The following TACC2 variants were observed in gnomAD, a reference collection of about 807,000 sequenced individuals.
The protein encoded by TACC2 is transforming acidic coiled-coil-containing protein 2.
TACC2 carries 137 observed loss-of-function variants against 227.3 expected under a neutral mutation model. The ratio of observed to expected loss-of-function variants is 0.60; its 90% CI spans 0.52 to 0.69. TACC2 has a LOEUF of 0.69. Ranked by LOEUF, TACC2 falls within the 30% of genes least tolerant of loss-of-function variation. The pLI, the probability that TACC2 is intolerant of heterozygous loss-of-function variation, is 0.00. For missense variants in TACC2, 3,470 were observed against 3,694.4 expected (o/e 0.94, Z 1.57); for synonymous variants, 1,523 against 1,487.5 (o/e 1.02, Z -0.55).
At chr10:122,052,280 G>C (rs925903429) in intron 3 of TACC2, 3 of 152,160 alleles carry the variant, frequency 2.0e-5, no homozygotes, top group Non-Finnish European at 4.4e-5. Flanking sequence ...CCTGGGAATT[G>C]CTCGAGGCCT....
intron 19 of TACC2, 52 bp downstream of exon 19, chr10:122,242,053 A>G (rs768863260): frequency 1.9e-6 from 3 of 1,542,758 alleles, no homozygotes; most frequent in East Asian, 2.2e-5. Flanking sequence ...TTTCTGAACT[A>G]TGAGGAGGCC....
chr10:122,233,204 G>A (rs2095792722), intron 16 of TACC2, among the ~76,000 whole-genome samples: 1 of 152,190 alleles, frequency 6.6e-6, no homozygotes, highest in Admixed American at 6.5e-5. Context: ...TGGTCAAACG[G>A]AATTTGGTTG....
At chr10:122,040,249 A>T (rs1451046229) in intron 2 of TACC2, among the ~76,000 whole-genome samples, 1 of 152,132 alleles carries the variant, frequency 6.6e-6, no homozygotes, top group Admixed American at 6.5e-5. Flanking sequence ...AGACTGTCTA[A>T]CACCCAGCCA....
chr10:122,073,028 G>A (rs561534621), intron 3 of TACC2, among the ~76,000 whole-genome samples: 56 of 144,118 alleles, frequency 3.9e-4, no homozygotes, highest in Non-Finnish European at 5.1e-4. Context: ...CAGGAGAATC[G>A]CTTGAACCCA....
chr10:122,168,302 GA>G (rs1332563714), intron 7 of TACC2, among the ~76,000 whole-genome samples: 21 of 152,292 alleles, frequency 1.4e-4, no homozygotes, highest in African/African-American at 5.1e-4. Flanking sequence ...GCCAGTTTCT[GA>G]GTTCCTGGAC....
chr10:122,008,471 G>C (rs1955524549), intron 1 of TACC2, among the ~76,000 whole-genome samples: 1 of 151,900 alleles, frequency 6.6e-6, no homozygotes, highest in African/African-American at 2.4e-5. Flanking sequence ...TGTTGGTCAG[G>C]CTGGTCTCGA....
At chr10:122,155,086 G>T (rs1195784054) in intron 7 of TACC2, among the ~76,000 whole-genome samples, 1 of 152,218 alleles carries the variant, frequency 6.6e-6, no homozygotes, top group African/African-American at 2.4e-5. Flanking sequence ...TGCTGTCTCT[G>T]TTCAAAATGA....
intron 5 of TACC2, among the ~76,000 whole-genome samples, chr10:122,091,278 A>C (rs1315836272): frequency 6.6e-6 from 1 of 152,176 alleles, no homozygotes; most frequent in Non-Finnish European, 1.5e-5. Context: ...ATACATCACT[A>C]GTCATTTTGA....
At chr10:121,992,445 C>T (rs780371345) in intron 1 of TACC2, among the ~76,000 whole-genome samples, 5 of 152,214 alleles carry the variant, frequency 3.3e-5, no homozygotes, top group African/African-American at 4.8e-5. Flanking sequence ...TGCAGAATTA[C>T]ACAAGAACTT....
chr10:122,112,041 C>T (rs2083701909), intron 5 of TACC2, among the ~76,000 whole-genome samples: 1 of 152,096 alleles, frequency 6.6e-6, no homozygotes, highest in South Asian at 2.1e-4. Context: ...ACAGAGAATC[C>T]TCATTAGGGG....
intron 5 of TACC2, among the ~76,000 whole-genome samples, chr10:122,120,560 G>A (rs1434640281): frequency 6.6e-6 from 1 of 152,114 alleles, no homozygotes; most frequent in East Asian, 1.9e-4. Flanking sequence ...ATGAGTCGAC[G>A]CTGCTCTGAG....
chr10:122,244,408 C>T lies in TACC2; in HGVS notation c.8392+2407C>T, dbSNP rs115979267. Reference sequence around the variant, plus strand: ...TTGACCGTCCTCTGTCATTCCAAGGCTTTTTTCATCAGGTGACAGGCCTGT... The same window carrying T: ...TTGACCGTCCTCTGTCATTCCAAGGTTTTTTTCATCAGGTGACAGGCCTGT... On this transcript the variant is annotated intron_variant, in intron 19 of 22. Transcript: ENST00000369005. Among the ~76,000 whole-genome samples, 899 of 152,272 alleles carry T rather than the reference C, an allele frequency of 5.9e-3. 12 individuals carry two copies. The highest frequency in any genetic ancestry group is 0.021 in the African/African-American group (852 of 41,546).
chr10:122,056,217 C>G (rs929384076), intron 3 of TACC2, among the ~76,000 whole-genome samples: 14 of 152,206 alleles, frequency 9.2e-5, no homozygotes, highest in African/African-American at 2.7e-4. Flanking sequence ...TCTTGTCGCC[C>G]AGGCTGGAGT....
chr10:122,186,537 A>C (rs950835540), intron 7 of TACC2, among the ~76,000 whole-genome samples: 1 of 151,788 alleles, frequency 6.6e-6, no homozygotes, highest in Non-Finnish European at 1.5e-5. Context: ...TTTTTGAAAC[A>C]GAGTCTTGCT....
intron 6 of TACC2, among the ~76,000 whole-genome samples, chr10:122,136,513 A>G (rs1592456527): frequency 7.0e-6 from 1 of 143,332 alleles, no homozygotes; most frequent in African/African-American, 2.6e-5. Flanking sequence ...GAATATATAT[A>G]TATATGTGTG....
chr10:122,005,870 C>G (rs945867221), intron 1 of TACC2, among the ~76,000 whole-genome samples: 1 of 151,752 alleles, frequency 6.6e-6, no homozygotes, highest in Non-Finnish European at 1.5e-5. Flanking sequence ...ATTTTTTGTA[C>G]TTTTAGTTGA....
chr10:122,174,988 G>A (rs915688109), intron 7 of TACC2, among the ~76,000 whole-genome samples: 2 of 152,142 alleles, frequency 1.3e-5, no homozygotes, highest in African/African-American at 4.8e-5. Flanking sequence ...TACTTATTTT[G>A]AGATAGGGTC....
At chr10:122,103,779 G>T (rs1209859055) in intron 5 of TACC2, among the ~76,000 whole-genome samples, 1 of 151,982 alleles carries the variant, frequency 6.6e-6, no homozygotes, top group African/African-American at 2.4e-5. Flanking sequence ...TGGAGGCGGG[G>T]GTCTTGTCTT....
chr10:122,215,388 C>T lies in TACC2; in HGVS notation c.7284-3C>T. 6.2e-7 allele frequency: 1 copy of T among 1,613,578 alleles called. No individual in the cohort carries two copies. On this transcript the variant is annotated splice_region_variant and splice_polypyrimidine_tract_variant and intron_variant, in intron 9 of 22. Transcript: ENST00000369005. ...GTGTTTACGTTTTCCATTTTGTTTC[C>T]AGTGACACATTTAGGGTGAAAAAGT...
Sources: allele counts gnomAD v4.1 joint callset (sites outside exome capture counted in the v4.1 genomes callset), GRCh38; gene constraint gnomAD v4.1.1; transcripts MANE v1.5; gene names NCBI Gene and HGNC (gene_info 2026-07-23, HGNC 2026-07-21).